The following CENPP variants were observed in gnomAD, a reference collection of about 807,000 sequenced individuals.
The protein encoded by CENPP is centromere protein P.
In CENPP, 24 loss-of-function variants were observed where a neutral mutation model predicts 35.6. The observed-to-expected ratio is 0.67, with a 90% confidence interval of 0.49 to 0.95. CENPP has a LOEUF of 0.95. Among genes scored for constraint, CENPP ranks in the 40% least tolerant of loss-of-function variants. The pLI is 0.00. For missense variants in CENPP, 332 were observed against 345.3 expected, an observed-to-expected ratio of 0.96 and a Z score of 0.31; for synonymous variants, 120 against 125.5, an observed-to-expected ratio of 0.96 and a Z score of 0.29.
In CENPP at chr9:92,330,496, TG is replaced by T. The variant is rs1228018773; in HGVS notation, c.108-1673del. 5.9e-5 allele frequency among the ~76,000 whole-genome samples: 9 copies of T among 152,004 alleles called. No individual in the cohort carries two copies. In the South Asian group the frequency reaches 6.2e-4, roughly 11 times the overall value. On this transcript the variant is annotated intron_variant, in intron 1 of 7. Coordinates refer to ENST00000375587, the MANE Select transcript of CENPP (RefSeq NM_001012267.3). ...CAAGAAGCTGACCCTAGATAGCAAA[TG>T]AGAATTGGGATAATTATGCCCAAGA...
intron 5 of CENPP, among the ~76,000 whole-genome samples, chr9:92,580,296 T>C (rs2131365514): frequency 2.0e-5 from 3 of 152,324 alleles, no homozygotes; most frequent in Admixed American, 2.0e-4. Context: ...GGCTTTGGTA[T>C]CAGGATGATG....
At chr9:92,551,769 G>A (rs1222984282) in intron 5 of CENPP, among the ~76,000 whole-genome samples, 5 of 151,352 alleles carry the variant, frequency 3.3e-5, no homozygotes, top group Non-Finnish European at 7.4e-5. Flanking sequence ...GAGAACATTC[G>A]ATGTTTGGTT....
At chr9:92,371,873 T>G (rs554496112) in intron 4 of CENPP, among the ~76,000 whole-genome samples, 47 of 149,686 alleles carry the variant, frequency 3.1e-4, no homozygotes, top group Non-Finnish European at 4.5e-4. Context: ...TGTTGTTGTT[T>G]TTTTTTTTTT....
chr9:92,414,064 G>C (rs1019532920), intron 5 of CENPP, among the ~76,000 whole-genome samples: 1 of 152,090 alleles, frequency 6.6e-6, no homozygotes, highest in Non-Finnish European at 1.5e-5. Context: ...TATATCAAGA[G>C]AGTTCATCAC....
At chr9:92,554,389 G>A (rs1459238044) in intron 5 of CENPP, among the ~76,000 whole-genome samples, 1 of 152,096 alleles carries the variant, frequency 6.6e-6, no homozygotes, top group African/African-American at 2.4e-5. Context: ...CACCATTTTG[G>A]TCAGGCTGGT....
chr9:92,471,958 AG>A, intron 5 of CENPP, among the ~76,000 whole-genome samples: 1 of 152,324 alleles, frequency 6.6e-6, no homozygotes, highest in East Asian at 1.9e-4. Context: ...TCACTCCTGA[AG>A]TGTAGTCATA....
chr9:92,464,680 A>G (rs1026422856), intron 5 of CENPP: 6 of 636,444 alleles, frequency 9.4e-6, no homozygotes, highest in African/African-American at 8.9e-5. Flanking sequence ...AGGAAAACTA[A>G]AAGTTCATTG....
chr9:92,547,057 C>A (rs1849480214), intron 5 of CENPP, among the ~76,000 whole-genome samples: 1 of 152,046 alleles, frequency 6.6e-6, no homozygotes, highest in East Asian at 1.9e-4. Flanking sequence ...CCAAATCCAA[C>A]AATATATAAA....
chr9:92,605,585 G>A (rs763871629), intron 5 of CENPP, among the ~76,000 whole-genome samples: 15 of 151,984 alleles, frequency 9.9e-5, no homozygotes, highest in Non-Finnish European at 1.9e-4. Flanking sequence ...TCAGACAACT[G>A]GATATTCACA....
chr9:92,531,979 T>C (rs1050385756), intron 5 of CENPP, among the ~76,000 whole-genome samples: 13 of 150,496 alleles, frequency 8.6e-5, no homozygotes, highest in Non-Finnish European at 3.0e-5. Context: ...TGTTGCCTTC[T>C]TCCCACCTAC....
intron 5 of CENPP, among the ~76,000 whole-genome samples, chr9:92,601,660 G>A (rs1314573952): frequency 6.6e-6 from 1 of 152,194 alleles, no homozygotes; most frequent in Admixed American, 6.5e-5. Context: ...TCCATGTCAC[G>A]CTCCATGTGC....
intron 5 of CENPP, among the ~76,000 whole-genome samples, chr9:92,449,424 G>A (rs145879512): frequency 0.04 from 3,994 of 100,202 alleles, 103 homozygotes; most frequent in South Asian, 0.11. Context: ...GGTGATGAGC[G>A]AGACTCTATC....
At chr9:92,346,538 G>T (rs551667488) in intron 4 of CENPP, among the ~76,000 whole-genome samples, 23 of 152,300 alleles carry the variant, frequency 1.5e-4, no homozygotes, top group South Asian at 4.1e-4. Flanking sequence ...ACTGGGAATT[G>T]GGTATAAAGA....
intron 5 of CENPP, among the ~76,000 whole-genome samples, chr9:92,531,854 G>A (rs769600345): frequency 2.0e-5 from 3 of 151,974 alleles, no homozygotes; most frequent in Non-Finnish European, 2.9e-5. Context: ...CTGAAAGGAT[G>A]TATTTGTTAG....
intron 5 of CENPP, among the ~76,000 whole-genome samples, chr9:92,425,983 G>T (rs893457055): frequency 6.6e-6 from 1 of 152,124 alleles, no homozygotes; most frequent in Non-Finnish European, 1.5e-5. Flanking sequence ...TCTGTGATTT[G>T]GATTTATGAT....
chr9:92,364,173 A>C (rs1051397220), intron 4 of CENPP, among the ~76,000 whole-genome samples: 2 of 149,866 alleles, frequency 1.3e-5, no homozygotes, highest in African/African-American at 4.9e-5. Flanking sequence ...CTTGTAGTGA[A>C]GGCCTGCTTT....
intron 5 of CENPP, among the ~76,000 whole-genome samples, chr9:92,504,700 AT>A (rs942622344): frequency 1.3e-5 from 2 of 150,862 alleles, no homozygotes; most frequent in African/African-American, 2.4e-5. Context: ...ATGACTGGCT[AT>A]TTTTTTTTAA....
chr9:92,401,089 T>TA, intron 5 of CENPP: 1 of 1,350,758 alleles, frequency 7.4e-7, no homozygotes, highest in South Asian at 1.2e-5. Flanking sequence ...AGATGATACT[T>TA]ACCATCATTT....
At chr9:92,532,041 T>TTTTTTTTTTTTTTTTG (rs1433523712) in intron 5 of CENPP, among the ~76,000 whole-genome samples, 1 of 143,416 alleles carries the variant, frequency 7.0e-6, no homozygotes, top group Non-Finnish European at 1.5e-5. Flanking sequence ...TTTATTTTTT[T>TTTTTTTTTTTTTTTTG]TTTGAGATGA....
Sources: gnomAD v4.1 joint callset for allele counts (sites outside exome capture counted in the v4.1 genomes callset) on GRCh38, gnomAD v4.1.1 for gene constraint, MANE v1.5 for transcripts, NCBI Gene and HGNC (gene_info 2026-07-23, HGNC 2026-07-21) for gene names.